Variants in SLIT2 observed in about 807,000 individuals in gnomAD.
SLIT2 encodes the protein slit guidance ligand 2.
A neutral mutation model predicts 185.7 loss-of-function variants in SLIT2; 41 were observed. The ratio of observed to expected loss-of-function variants is 0.22; its 90% CI spans 0.17 to 0.29. The LOEUF (loss-of-function observed/expected upper bound fraction) is 0.29. Ranked by LOEUF, SLIT2 falls within the 10% of genes least tolerant of loss-of-function variation. The pLI is 1.00. For synonymous variants in SLIT2, 693 were observed against 680.2 expected, an observed-to-expected ratio of 1.02 and a Z score of -0.29; for missense variants, 1,571 against 1,909.0, an observed-to-expected ratio of 0.82 and a Z score of 3.30.
chr4:20,266,329 C>T (rs1713034178), intron 3 of SLIT2, among the ~76,000 whole-genome samples: 1 of 151,800 alleles, frequency 6.6e-6, no homozygotes, highest in South Asian at 2.1e-4. Flanking sequence ...ACATTGAATT[C>T]TTTCCAGCTT....
intron 3 of SLIT2, among the ~76,000 whole-genome samples, chr4:20,261,532 T>A (rs1712476752): frequency 6.6e-6 from 1 of 151,908 alleles, no homozygotes; most frequent in Non-Finnish European, 1.5e-5. Flanking sequence ...GTTTATGGGA[T>A]TAGATACTAC....
At chr4:20,606,600 T>C (rs1728813504) in intron 33 of SLIT2, among the ~76,000 whole-genome samples, 1 of 152,200 alleles carries the variant, frequency 6.6e-6, no homozygotes, top group East Asian at 1.9e-4. Context: ...ATGATAAGTC[T>C]TGTGGAAGTT....
Position 20,421,703 on chromosome 4 carries a change from G to A in SLIT2, c.396-46049G>A, listed in dbSNP as rs567021290. 5.3e-5 allele frequency among the ~76,000 whole-genome samples: 8 copies of A among 152,204 alleles called. No homozygotes were observed. The East Asian group carries it at 1.4e-3, about 26-fold the overall frequency. On this transcript the variant is annotated intron_variant, in intron 4 of 36. Transcript: ENST00000504154. The stretch of plus-strand genomic sequence containing the variant: ...TTTTACAATGTAATGAGATGAGAGG[G>A]ATCCTGTGAGCAAGCTGATAAGTCT...
chr4:20,532,157 G>T (rs1257240347), intron 17 of SLIT2, 99 bp downstream of exon 17: 3 of 681,516 alleles, frequency 4.4e-6, no homozygotes, highest in Non-Finnish European at 4.9e-6. Context: ...TAAAAATCCT[G>T]GGAAATTTCC....
At chr4:20,521,866 G>A (rs1431502534) in intron 12 of SLIT2, among the ~76,000 whole-genome samples, 1 of 148,280 alleles carries the variant, frequency 6.7e-6, no homozygotes, top group Non-Finnish European at 1.5e-5. Context: ...TATTGTCAAA[G>A]GAGAAAATAT....
intron 3 of SLIT2, 92 bp downstream of exon 3, chr4:20,258,031 T>G: frequency 1.5e-6 from 1 of 647,908 alleles, no homozygotes; most frequent in African/African-American, 1.9e-5. Context: ...TTTCATGTCT[T>G]AGGGTTTGAA....
chr4:20,506,286 A>C (rs939983272), intron 9 of SLIT2, among the ~76,000 whole-genome samples: 1 of 152,002 alleles, frequency 6.6e-6, no homozygotes, highest in African/African-American at 2.4e-5. Flanking sequence ...TTTTCTCCGA[A>C]GGACTGACAT....
intron 4 of SLIT2, among the ~76,000 whole-genome samples, chr4:20,356,618 A>G (rs549584337): frequency 6.6e-6 from 1 of 152,296 alleles, no homozygotes; most frequent in South Asian, 2.1e-4. Context: ...TTTCTCCAGT[A>G]TTTCTCCCTG....
intron 4 of SLIT2, among the ~76,000 whole-genome samples, chr4:20,403,924 C>T (rs1335143051): frequency 6.7e-6 from 1 of 148,252 alleles, no homozygotes; most frequent in African/African-American, 2.5e-5. Flanking sequence ...CAAAAGCAAA[C>T]ACCCATAAGT....
intron 4 of SLIT2, among the ~76,000 whole-genome samples, chr4:20,387,961 T>A (rs1725060311): frequency 6.6e-6 from 1 of 151,814 alleles, no homozygotes; most frequent in Non-Finnish European, 1.5e-5. Context: ...ATTTATCATA[T>A]TAATAAACTA....
intron 4 of SLIT2, among the ~76,000 whole-genome samples, chr4:20,287,606 G>T (rs1371389410): frequency 6.6e-6 from 1 of 152,132 alleles, no homozygotes; most frequent in Non-Finnish European, 1.5e-5. Flanking sequence ...TTTTTCTCCT[G>T]TGAGGCTTGT....
chr4:20,281,325 A>G (rs1410048408), intron 4 of SLIT2, among the ~76,000 whole-genome samples: 10 of 152,352 alleles, frequency 6.6e-5, no homozygotes, highest in African/African-American at 2.4e-4. Context: ...TCAAGATAAT[A>G]TAATGGATTT....
rs371713195 is a variant in SLIT2, at chr4:20,366,161, CTT to C, written c.395+97281_395+97282del. ...AATCTCATCCATCCTCCCTCCCTCT[CTT>C]ATTGCTCCTCTCTACTCCTCTTTGT... On this transcript the variant is annotated intron_variant, in intron 4 of 36. Transcript: ENST00000504154. 4.0e-4 allele frequency among the ~76,000 whole-genome samples: 61 copies of C among 152,200 alleles called. No individual in the cohort carries two copies. In the East Asian group the frequency reaches 9.7e-3, roughly 24 times the overall value.
chr4:20,382,167 A>G (rs10002000), intron 4 of SLIT2, among the ~76,000 whole-genome samples: 1,677 of 152,224 alleles, frequency 0.011, 40 homozygotes, highest in African/African-American at 0.039. Context: ...GGACCCATCC[A>G]TGATCAAAGT....
intron 4 of SLIT2, among the ~76,000 whole-genome samples, chr4:20,460,958 A>T (rs529167084): frequency 4.0e-4 from 61 of 152,336 alleles, no homozygotes; most frequent in African/African-American, 1.4e-3. Context: ...GTAAACACTA[A>T]TTTATATTGT....
chr4:20,346,379 A>G (rs1465789322), intron 4 of SLIT2, among the ~76,000 whole-genome samples: 5 of 152,210 alleles, frequency 3.3e-5, no homozygotes, highest in Non-Finnish European at 7.3e-5. Flanking sequence ...AATTGTAACA[A>G]TAAAAAATGT....
rs554712833 is a variant in SLIT2 at position 20,352,058 on chromosome 4, G to C, written c.395+83177G>C. ...CATTATATCTGCTGCTTGTTAAATA[G>C]ATTCTCAGTTTATGCTGGCAAAGTG... is the stretch of plus-strand genomic sequence containing the variant. On this transcript the variant is annotated intron_variant, in intron 4 of 36. Coordinates refer to ENST00000504154, the MANE Select transcript of SLIT2 (RefSeq NM_004787.4). Among the ~76,000 whole-genome samples, 9 of 152,238 alleles carry C rather than the reference G, an allele frequency of 5.9e-5. No individual in the cohort carries two copies. The South Asian group carries it at 1.9e-3, about 32-fold the overall frequency.
intron 34 of SLIT2, among the ~76,000 whole-genome samples, chr4:20,612,406 T>C (rs1383519079): frequency 1.3e-5 from 2 of 151,168 alleles, no homozygotes; most frequent in Admixed American, 6.6e-5. Flanking sequence ...AAACAACACC[T>C]CTGTCCACCC....
Position 20,464,371 on chromosome 4 carries a change from C to A in SLIT2, c.396-3381C>A, listed in dbSNP as rs144156682. Among the ~76,000 whole-genome samples the A allele has an allele frequency of 2.5e-3, 383 of 152,222 alleles. 2 individuals are homozygous for A. The highest frequency in any genetic ancestry group is 9.1e-3 in the African/African-American group (376 of 41,518). On this transcript the variant is annotated intron_variant, in intron 4 of 36. Coordinates refer to ENST00000504154, the MANE Select transcript of SLIT2 (RefSeq NM_004787.4). The stretch of plus-strand genomic sequence containing the variant: ...TGTCTGCTGAAATAAGGATGCATTC[C>A]CCAGTTGGTATGAAAAAATCTGAAA...
Sources: gnomAD v4.1 joint callset for allele counts (sites outside exome capture counted in the v4.1 genomes callset) on GRCh38, gnomAD v4.1.1 for gene constraint, MANE v1.5 for transcripts, NCBI Gene and HGNC (gene_info 2026-07-23, HGNC 2026-07-21) for gene names.